Variants in SLC35F3 observed in about 807,000 individuals in gnomAD.
SLC35F3 encodes solute carrier family 35 member F3.
A neutral mutation model predicts 49.9 loss-of-function variants in SLC35F3; 25 were observed. That is an observed-to-expected ratio of 0.50 (90% CI 0.37 to 0.70). The LOEUF (loss-of-function observed/expected upper bound fraction) is 0.70. Ranked by LOEUF, SLC35F3 falls within the 30% of genes least tolerant of loss-of-function variation. SLC35F3 has a pLI of 0.00. For synonymous variants in SLC35F3, 275 were observed against 265.4 expected (o/e 1.04, Z -0.35); for missense variants, 525 against 639.8 (o/e 0.82, Z 1.94).
intron 3 of SLC35F3, among the ~76,000 whole-genome samples, chr1:234,290,978 A>T (rs1668497897): frequency 6.6e-6 from 1 of 152,122 alleles, no homozygotes; most frequent in Non-Finnish European, 1.5e-5. Flanking sequence ...AGGAGAGGCC[A>T]CCAATAGATA....
intron 4 of SLC35F3, among the ~76,000 whole-genome samples, chr1:234,316,336 C>T (rs1277712549): frequency 6.6e-6 from 1 of 152,204 alleles, no homozygotes; most frequent in Non-Finnish European, 1.5e-5. Flanking sequence ...AGTGACTGGC[C>T]ACCACCATGC....
chr1:234,275,683 G>C (rs12040019), intron 3 of SLC35F3, among the ~76,000 whole-genome samples: 9,158 of 150,942 alleles, frequency 0.061, 334 homozygotes, highest in African/African-American at 0.099. Context: ...ACCTCAGATA[G>C]TCAGTTTTCC....
chr1:234,039,109 C>A (rs1664184162), intron 2 of SLC35F3, among the ~76,000 whole-genome samples: 1 of 152,126 alleles, frequency 6.6e-6, no homozygotes, highest in Non-Finnish European at 1.5e-5. Context: ...GTTTGAGAGT[C>A]ATCAGTTTTT....
At chr1:233,983,186 CTCTA>C (rs138265317) in intron 2 of SLC35F3, among the ~76,000 whole-genome samples, 7,745 of 152,218 alleles carry the variant, frequency 0.051, 233 homozygotes, top group East Asian at 0.14. Context: ...CGCCCTCCCT[CTCTA>C]TCTCTCAACA....
intron 2 of SLC35F3, among the ~76,000 whole-genome samples, chr1:234,096,677 T>C (rs1028713504): frequency 6.6e-6 from 1 of 151,952 alleles, no homozygotes; most frequent in African/African-American, 2.4e-5. Context: ...AGTCTGAAAA[T>C]ATAGTATAGG....
At chr1:234,026,789 G>A (rs574333369) in intron 2 of SLC35F3, 2 of 152,232 alleles carry the variant, frequency 1.3e-5, no homozygotes, top group East Asian at 3.9e-4. Context: ...GTTCAAAATG[G>A]TTTTATGGGA....
At chr1:234,039,227 A>C (rs1307511283) in intron 2 of SLC35F3, among the ~76,000 whole-genome samples, 1 of 152,166 alleles carries the variant, frequency 6.6e-6, no homozygotes, top group African/African-American at 2.4e-5. Context: ...AAAACCCACA[A>C]GGGGGACTGA....
chr1:234,246,291 A>G (rs1327012508), intron 3 of SLC35F3, among the ~76,000 whole-genome samples: 1 of 151,976 alleles, frequency 6.6e-6, no homozygotes, highest in African/African-American at 2.4e-5. Context: ...CAGGACCCTG[A>G]TTTACCCCCA....
chr1:234,093,431 A>T (rs1470972635), intron 2 of SLC35F3, among the ~76,000 whole-genome samples: 3 of 152,204 alleles, frequency 2.0e-5, no homozygotes, highest in Admixed American at 2.0e-4. Context: ...AGTGGCTCTG[A>T]GGCACCATCA....
intron 2 of SLC35F3, among the ~76,000 whole-genome samples, chr1:234,164,258 A>G (rs1572076900): frequency 7.3e-6 from 1 of 137,444 alleles, no homozygotes; most frequent in South Asian, 2.3e-4. Flanking sequence ...TCTCTTTCCC[A>G]TCTCCCTCCC....
At chr1:234,263,135 G>A (rs1001999567) in intron 3 of SLC35F3, among the ~76,000 whole-genome samples, 4 of 152,138 alleles carry the variant, frequency 2.6e-5, no homozygotes, top group African/African-American at 7.2e-5. Flanking sequence ...ATCCTGGTCC[G>A]GGTGCTACCT....
chr1:234,032,110 T>C (rs1664072675), intron 2 of SLC35F3, among the ~76,000 whole-genome samples: 1 of 152,138 alleles, frequency 6.6e-6, no homozygotes, highest in Admixed American at 6.5e-5. Flanking sequence ...ATTGTTCTGC[T>C]CTCGGCATTC....
chr1:233,986,240 T>C (rs1327471805), intron 2 of SLC35F3, among the ~76,000 whole-genome samples: 2 of 152,188 alleles, frequency 1.3e-5, no homozygotes, highest in African/African-American at 4.8e-5. Flanking sequence ...AAATAATACA[T>C]GTATCTTTCT....
chr1:233,936,630 T>A (rs762590003), intron 2 of SLC35F3, among the ~76,000 whole-genome samples: 26 of 151,816 alleles, frequency 1.7e-4, no homozygotes, highest in Non-Finnish European at 3.1e-4. Context: ...CTCCTCATTC[T>A]TCTTCTTCTT....
intron 2 of SLC35F3, among the ~76,000 whole-genome samples, chr1:234,136,959 AG>A (rs1187441480): frequency 2.0e-5 from 3 of 152,238 alleles, no homozygotes; most frequent in Non-Finnish European, 4.4e-5. Context: ...AACCTTCTTC[AG>A]CATTCATTCT....
intron 2 of SLC35F3, among the ~76,000 whole-genome samples, chr1:234,108,817 TA>T (rs1313547818): frequency 7.2e-6 from 1 of 138,598 alleles, no homozygotes; most frequent in African/African-American, 2.7e-5. Context: ...ATATAAAAGA[TA>T]TATATATATC....
intron 3 of SLC35F3, among the ~76,000 whole-genome samples, chr1:234,281,561 G>A (rs1011540574): frequency 3.9e-5 from 6 of 152,180 alleles, no homozygotes; most frequent in Admixed American, 6.5e-5. Flanking sequence ...TGTTAAAACA[G>A]ACTTTTCAAA....
chr1:234,108,538 ATATATATTATT>A (rs1665332556), intron 2 of SLC35F3, among the ~76,000 whole-genome samples: 1 of 107,128 alleles, frequency 9.3e-6, no homozygotes, highest in East Asian at 9.1e-4. Context: ...TATATAAAAG[ATATATATTATT>A]TATATATAAA....
At chr1:234,097,749 G>A (rs1333399130) in intron 2 of SLC35F3, among the ~76,000 whole-genome samples, 1 of 152,180 alleles carries the variant, frequency 6.6e-6, no homozygotes, top group Non-Finnish European at 1.5e-5. Context: ...GATTCCCAAG[G>A]TTTGGGCTTG....
Sources: allele counts gnomAD v4.1 joint callset (sites outside exome capture counted in the v4.1 genomes callset), GRCh38; gene constraint gnomAD v4.1.1; transcripts MANE v1.5; gene names NCBI Gene and HGNC (gene_info 2026-07-23, HGNC 2026-07-21).